The following LINGO2 variants were observed in gnomAD, a reference collection of about 807,000 sequenced individuals.
LINGO2 encodes the protein leucine-rich repeat and immunoglobulin-like domain-containing nogo receptor-interacting protein 2.
In LINGO2, 14 loss-of-function variants were observed where a neutral mutation model predicts 30.6. The ratio of observed to expected loss-of-function variants is 0.46; its 90% CI spans 0.30 to 0.72. LINGO2 has a LOEUF of 0.72. Among genes scored for constraint, LINGO2 ranks in the 30% least tolerant of loss-of-function variants. The pLI, the probability that LINGO2 is intolerant of heterozygous loss-of-function variation, is 0.07. For missense variants in LINGO2, 729 were observed against 751.7 expected (o/e 0.97, Z 0.35); for synonymous variants, 317 against 288.5 (o/e 1.10, Z -1.00).
chr9:28,211,700 T>C (rs1290548678), intron 4 of LINGO2, among the ~76,000 whole-genome samples: 1 of 151,516 alleles, frequency 6.6e-6, no homozygotes, highest in African/African-American at 2.4e-5. Context: ...TTCATATTCA[T>C]GTGATTCACA....
At chr9:28,655,224 T>G (rs561455724) in intron 1 of LINGO2, among the ~76,000 whole-genome samples, 1 of 152,120 alleles carries the variant, frequency 6.6e-6, no homozygotes, top group South Asian at 2.1e-4. Flanking sequence ...TGAAGAAGGA[T>G]GTATTTGCTT....
chr9:28,719,803 T>C, the LINGO2 span, among the ~76,000 whole-genome samples: 1 of 152,062 alleles, frequency 6.6e-6, no homozygotes, highest in Non-Finnish European at 1.5e-5. Flanking sequence ...GAAATCAGCA[T>C]TTTAAACTCA....
chr9:29,021,397 G>A, the LINGO2 span, among the ~76,000 whole-genome samples: 12 of 152,102 alleles, frequency 7.9e-5, no homozygotes, highest in African/African-American at 2.9e-4. Context: ...GGTGGCTAAC[G>A]CCTGTAATCC....
intron 4 of LINGO2, among the ~76,000 whole-genome samples, chr9:28,034,702 A>T (rs896046914): frequency 6.6e-6 from 1 of 152,230 alleles, no homozygotes; most frequent in Admixed American, 6.5e-5. Context: ...ATGACCTGTC[A>T]TGTTTTTCTT....
chr9:28,754,227 T>C, the LINGO2 span, among the ~76,000 whole-genome samples: 7 of 152,096 alleles, frequency 4.6e-5, no homozygotes, highest in African/African-American at 1.7e-4. Flanking sequence ...TCTCACCTTC[T>C]TCCAGGGGGA....
chr9:28,400,759 G>A (rs2134742300), intron 2 of LINGO2, among the ~76,000 whole-genome samples: 1 of 152,222 alleles, frequency 6.6e-6, no homozygotes, highest in East Asian at 1.9e-4. Context: ...GCAGGTGCAG[G>A]AAAACATTAA....
At chr9:28,588,943 T>A (rs1413470516) in intron 1 of LINGO2, among the ~76,000 whole-genome samples, 2 of 152,050 alleles carry the variant, frequency 1.3e-5, no homozygotes, top group African/African-American at 4.8e-5. Context: ...TGCTTCAAAG[T>A]AAGAGGCAGT....
chr9:29,006,048 C>T, the LINGO2 span, among the ~76,000 whole-genome samples: 12 of 151,444 alleles, frequency 7.9e-5, no homozygotes, highest in South Asian at 1.9e-3. Context: ...CATTAATCAA[C>T]CGATAGCTGC....
the LINGO2 span, among the ~76,000 whole-genome samples, chr9:28,861,659 G>C: frequency 6.6e-6 from 1 of 151,838 alleles, no homozygotes; most frequent in Non-Finnish European, 1.5e-5. Context: ...AGCTCCTCAG[G>C]AGACTGAAGT....
chr9:27,998,095 C>G (rs1228923750), intron 5 of LINGO2, among the ~76,000 whole-genome samples: 1 of 152,190 alleles, frequency 6.6e-6, no homozygotes, highest in Admixed American at 6.5e-5. Context: ...CCTTTCTTCT[C>G]TGTATGCACA....
the LINGO2 span, among the ~76,000 whole-genome samples, chr9:29,155,345 T>A: frequency 6.6e-6 from 1 of 152,118 alleles, no homozygotes; most frequent in Non-Finnish European, 1.5e-5. Flanking sequence ...GGGGTGTTTG[T>A]CATTTATGTA....
chr9:28,340,404 G>T (rs1825730088), intron 3 of LINGO2, among the ~76,000 whole-genome samples: 1 of 152,000 alleles, frequency 6.6e-6, no homozygotes, highest in Admixed American at 6.6e-5. Context: ...ATAAAATCGA[G>T]AACACATTAC....
chr9:28,588,543 G>C, intron 1 of LINGO2, among the ~76,000 whole-genome samples: 1 of 151,816 alleles, frequency 6.6e-6, no homozygotes, highest in East Asian at 1.9e-4. Flanking sequence ...GGGAGCATAA[G>C]GATACCAGGA....
At chr9:29,080,427 T>G in the LINGO2 span, among the ~76,000 whole-genome samples, 1 of 152,118 alleles carries the variant, frequency 6.6e-6, no homozygotes, top group Non-Finnish European at 1.5e-5. Context: ...TTAAGGATTT[T>G]TTGTGTCTCT....
the LINGO2 span, among the ~76,000 whole-genome samples, chr9:28,688,224 G>A: frequency 1.3e-5 from 2 of 152,080 alleles, no homozygotes; most frequent in Non-Finnish European, 2.9e-5. Context: ...ACTCCTTTAA[G>A]GATTCTCTTT....
At chr9:28,955,741 T>C in the LINGO2 span, among the ~76,000 whole-genome samples, 1 of 152,156 alleles carries the variant, frequency 6.6e-6, no homozygotes, top group African/African-American at 2.4e-5. Flanking sequence ...GAATTGCCAC[T>C]GGTCCTCTCT....
At chr9:28,243,051 G>A (rs896208539) in intron 4 of LINGO2, among the ~76,000 whole-genome samples, 3 of 152,122 alleles carry the variant, frequency 2.0e-5, no homozygotes, top group African/African-American at 7.2e-5. Flanking sequence ...ACATCATGAA[G>A]AAACAGCATC....
At chr9:28,629,548 TA>T (rs1826838533) in intron 1 of LINGO2, among the ~76,000 whole-genome samples, 1 of 152,054 alleles carries the variant, frequency 6.6e-6, no homozygotes, top group Non-Finnish European at 1.5e-5. Flanking sequence ...CTTTTTATGT[TA>T]TTTTCATTTA....
chr9:28,612,071 CT>C (rs1825943160), intron 1 of LINGO2, among the ~76,000 whole-genome samples: 1 of 151,760 alleles, frequency 6.6e-6, no homozygotes, highest in Non-Finnish European at 1.5e-5. Context: ...GCCTGGGCTT[CT>C]TTTTTATTTT....
Sources: allele counts gnomAD v4.1 joint callset (sites outside exome capture counted in the v4.1 genomes callset), GRCh38; gene constraint gnomAD v4.1.1; transcripts MANE v1.5; gene names NCBI Gene and HGNC (gene_info 2026-07-23, HGNC 2026-07-21).